ZNF532: variants seen among roughly 807,000 people sequenced by gnomAD.
ZNF532 encodes zinc finger protein 532.
Under a neutral mutation model 89.3 loss-of-function variants are expected in ZNF532, and 22 were observed. That is an observed-to-expected ratio of 0.25 (90% confidence interval 0.18 to 0.35). The LOEUF (loss-of-function observed/expected upper bound fraction) is 0.35. Ranked by LOEUF, ZNF532 falls within the 10% of genes least tolerant of loss-of-function variation. The pLI is 1.00. For missense variants in ZNF532, 1,132 were observed against 1,643.4 expected (o/e 0.69, Z 5.38); for synonymous variants, 606 against 649.6 (o/e 0.93, Z 1.02).
At chr18:58,881,794 A>T (rs943226018) in intron 2 of ZNF532, among the ~76,000 whole-genome samples, 21 of 152,128 alleles carry the variant, frequency 1.4e-4, no homozygotes, top group Admixed American at 2.6e-4. Flanking sequence ...GCTTCAGGAG[A>T]CTGATGTGGC....
chr18:58,907,450 A>C (rs781591425), intron 2 of ZNF532, among the ~76,000 whole-genome samples: 7 of 151,814 alleles, frequency 4.6e-5, no homozygotes, highest in Non-Finnish European at 1.0e-4. Flanking sequence ...TGGCCTCCCA[A>C]AGTGCTGGGA....
rs111866352 is a variant in ZNF532, at chr18:58,916,650, A to G, written c.-17-1621A>G. The G allele has an allele frequency of 6.2e-4, 586 of 952,004 alleles. 2 individuals are homozygous for G. The African/African-American group carries it at 9.7e-3, about 16-fold the overall frequency. The allele number at this position is 952,004 out of a possible 1,614,324, so 59.0% of individuals were successfully genotyped here. A position where few individuals can be genotyped will look rare whatever the true frequency, so the allele number is the denominator to read the frequency against. On this transcript the variant is annotated intron_variant, in intron 2 of 9. Coordinates refer to ENST00000591808, the MANE Select transcript of ZNF532 (RefSeq NM_001375912.1). ...GGATTTATTCTTCAGCTCCCATCGA[A>G]CCCTAAGTGTTGATTTCGCCTTCAA...
chr18:58,893,626 C>T (rs9949853), intron 2 of ZNF532, among the ~76,000 whole-genome samples: 4,173 of 141,298 alleles, frequency 0.03, 218 homozygotes, highest in African/African-American at 0.11. Flanking sequence ...CACTGCACTT[C>T]AATCTGGGCG....
chr18:58,948,485 TAAA>T (rs1216766827), intron 6 of ZNF532, among the ~76,000 whole-genome samples: 3 of 151,876 alleles, frequency 2.0e-5, no homozygotes, highest in Non-Finnish European at 4.4e-5. Flanking sequence ...TTTAAAAGAG[TAAA>T]AAAGTACTAA....
chr18:58,932,034 T>C (rs909143434), intron 3 of ZNF532, among the ~76,000 whole-genome samples: 5 of 152,154 alleles, frequency 3.3e-5, no homozygotes, highest in African/African-American at 4.8e-5. Flanking sequence ...TAACTAAGTG[T>C]CTGTACGTGG....
chr18:58,872,573 T>C (rs1427904417), intron 2 of ZNF532, among the ~76,000 whole-genome samples: 2 of 152,202 alleles, frequency 1.3e-5, no homozygotes, highest in African/African-American at 2.4e-5. Context: ...TTTTCTACAG[T>C]GAGCCCACAT....
chr18:58,978,905 C>T, intron 7 of ZNF532, 150 bp from the exon 8 acceptor site: 2 of 618,400 alleles, frequency 3.2e-6, no homozygotes, highest in Middle Eastern at 4.7e-4. Flanking sequence ...TCAGATATGA[C>T]ATTTTCCATG....
At chr18:58,947,552 G>T (rs1056619945) in intron 5 of ZNF532, among the ~76,000 whole-genome samples, 1 of 152,020 alleles carries the variant, frequency 6.6e-6, no homozygotes, top group African/African-American at 2.4e-5. Flanking sequence ...ACTGGTGTAG[G>T]GCTTCCTGTG....
chr18:58,873,815 T>C (rs934958107), intron 2 of ZNF532, among the ~76,000 whole-genome samples: 58 of 152,314 alleles, frequency 3.8e-4, no homozygotes, highest in Admixed American at 2.7e-3. Flanking sequence ...ATCTGAGTGA[T>C]AAAGGCCACG....
At chr18:58,877,612 G>A (rs561140172) in intron 2 of ZNF532, among the ~76,000 whole-genome samples, 3 of 152,360 alleles carry the variant, frequency 2.0e-5, no homozygotes, top group Admixed American at 1.3e-4. Context: ...AGAGTTCTGT[G>A]TTATATGAAT....
chr18:58,931,245 A>G (rs919192018), intron 3 of ZNF532, among the ~76,000 whole-genome samples: 12 of 152,134 alleles, frequency 7.9e-5, no homozygotes, highest in African/African-American at 9.7e-5. Context: ...TTTATCCTCT[A>G]CTAAGTAGCT....
At position 58,984,457 on chromosome 18, in the gene ZNF532, C is replaced by A; in HGVS notation, c.3897C>A (p.Ala1299=). ...AFIKSKRMSS[A]EK ...TCAAATCCAAAAGGATGAGCTCAGCCGAGAAATAGCCACAGATGCTCCATG... is the reference window on the plus strand; with the variant it reads ...TCAAATCCAAAAGGATGAGCTCAGCAGAGAAATAGCCACAGATGCTCCATG... The change falls in exon 10 of 10, where the codon GCC becomes GCA. Residue 1299 remains alanine, a synonymous_variant. Transcript: ENST00000591808. 1 of 1,606,910 alleles carries A rather than the reference C, an allele frequency of 6.2e-7. No homozygotes were observed.
In ZNF532 at chr18:58,918,332, G is replaced by A. The variant is rs190960344; in HGVS notation, c.45G>A (p.Leu15=). ...DMKTPDFDDL[L]AAFDIPDMVD... The stretch of plus-strand genomic sequence containing the variant: ...AGACCCCAGACTTTGATGACCTCCT[G>A]GCAGCATTTGACATCCCAGATATGG... Residue 15 remains leucine, a synonymous_variant, in exon 3 of 10, where the codon CTG becomes CTA. Coordinates refer to ENST00000591808, the MANE Select transcript of ZNF532 (RefSeq NM_001375912.1). The A allele has an allele frequency of 8.7e-6, 14 of 1,614,118 alleles. No homozygotes were observed. Among genetic ancestry groups the A allele is most frequent in the East Asian group, 2.2e-5 (1 of 44,890 alleles).
intron 9 of ZNF532, 118 bp downstream of exon 9, chr18:58,981,735 G>A: frequency 8.0e-6 from 11 of 1,368,934 alleles, no homozygotes; most frequent in Non-Finnish European, 1.1e-5. Context: ...CAGACTGGCT[G>A]GGTGCGGTGG....
intron 2 of ZNF532, among the ~76,000 whole-genome samples, chr18:58,902,007 C>T (rs2059632799): frequency 1.3e-5 from 2 of 152,220 alleles, no homozygotes; most frequent in South Asian, 4.1e-4. Flanking sequence ...TTTGTCTTCT[C>T]TCTAACAGCG....
chr18:58,962,513 C>G (rs17065338), intron 7 of ZNF532, among the ~76,000 whole-genome samples: 11,651 of 152,058 alleles, frequency 0.077, 975 homozygotes, highest in African/African-American at 0.21. Context: ...TAGCTGCACA[C>G]GAGAATCACC....
At chr18:58,903,233 G>T (rs2059713880) in intron 2 of ZNF532, among the ~76,000 whole-genome samples, 1 of 152,160 alleles carries the variant, frequency 6.6e-6, no homozygotes, top group Non-Finnish European at 1.5e-5. Flanking sequence ...ATAAGTGTGT[G>T]TTGGGGGAGG....
chr18:58,888,760 T>TAATATATATATTTTATATATATATAA (rs2058555884), intron 2 of ZNF532, among the ~76,000 whole-genome samples: 3 of 6,570 alleles, frequency 4.6e-4, no homozygotes, highest in Non-Finnish European at 7.9e-4. Context: ...TATATAAAAT[T>TAATATATATATTTTATATATATATAA]AATATATATA....
chr18:58,939,459 A>G lies in ZNF532; in HGVS notation c.2543A>G (p.Asn848Ser), dbSNP rs766250889. The change falls in exon 5 of 10, where the codon AAT (asparagine) becomes AGT (serine). Residue 848 changes from asparagine (N) to serine (S), a missense_variant. Transcript: ENST00000591808. ...TTTTCTAACAGATGTGTGCATTGCA[A>G]TGTTGTGTACTCTGATGTGGCTGCT... ...RRVGFRCVHC[N>S]VVYSDVAALK... is the part of the protein sequence containing the mutation. 5 of 1,613,360 alleles carry G rather than the reference A, an allele frequency of 3.1e-6. No homozygotes were observed. Among genetic ancestry groups the G allele is most frequent in the East Asian group, 4.5e-5 (2 of 44,882 alleles).
Sources: gnomAD v4.1 joint callset for allele counts (sites outside exome capture counted in the v4.1 genomes callset) on GRCh38, gnomAD v4.1.1 for gene constraint, MANE v1.5 for transcripts, NCBI Gene and HGNC (gene_info 2026-07-23, HGNC 2026-07-21) for gene names.